The following MCC variants were observed in gnomAD, a reference collection of about 807,000 sequenced individuals.
MCC encodes the protein colorectal mutant cancer protein.
MCC carries 90 observed loss-of-function variants against 116.2 expected under a neutral mutation model. The observed-to-expected ratio is 0.77, with a 90% CI of 0.65 to 0.92. The LOEUF (loss-of-function observed/expected upper bound fraction) is 0.92. MCC is among the 40% of genes least tolerant of loss of function. MCC has a pLI of 0.00. For synonymous variants in MCC, 578 were observed against 510.5 expected (o/e 1.13, Z -1.78); for missense variants, 1,516 against 1,312.2 (o/e 1.16, Z -2.40).
intron 3 of MCC, among the ~76,000 whole-genome samples, chr5:113,237,054 G>C (rs982734252): frequency 2.0e-5 from 3 of 152,172 alleles, no homozygotes; most frequent in African/African-American, 7.2e-5. Flanking sequence ...GAAGTCCTTG[G>C]GGAATTCATT....
intron 5 of MCC, 126 bp downstream of exon 5, chr5:113,143,092 A>T: frequency 9.9e-7 from 1 of 1,014,406 alleles, no homozygotes; most frequent in Non-Finnish European, 1.4e-6. Context: ...AAACATCATT[A>T]TAATCTAGTT....
intron 11 of MCC, among the ~76,000 whole-genome samples, chr5:113,078,081 T>C (rs1754582929): frequency 6.6e-6 from 1 of 152,150 alleles, no homozygotes; most frequent in Non-Finnish European, 1.5e-5. Context: ...CCTGGACACA[T>C]ACACCTTCCC....
intron 3 of MCC, among the ~76,000 whole-genome samples, chr5:113,280,134 A>G (rs1289573669): frequency 6.6e-6 from 1 of 152,176 alleles, no homozygotes; most frequent in Non-Finnish European, 1.5e-5. Context: ...ACTCTCATGT[A>G]ATCTGGCTGG....
chr5:113,369,701 TG>T (rs1405127757), intron 2 of MCC, among the ~76,000 whole-genome samples: 1 of 152,212 alleles, frequency 6.6e-6, no homozygotes, highest in Non-Finnish European at 1.5e-5. Context: ...CTTAAAACTA[TG>T]GTAGTCTGTT....
chr5:113,134,555 C>CTTTTTTTTTTTTTTTTT, intron 5 of MCC, among the ~76,000 whole-genome samples: 1 of 30,126 alleles, frequency 3.3e-5, no homozygotes, highest in African/African-American at 1.3e-4. Context: ...GCTATTTGGG[C>CTTTTTTTTTTTTTTTTT]TTTTTTTTTT....
intron 3 of MCC, among the ~76,000 whole-genome samples, chr5:113,231,311 T>G (rs1049500673): frequency 1.8e-4 from 27 of 152,154 alleles, no homozygotes; most frequent in African/African-American, 6.0e-4. Flanking sequence ...ACTCTTTAAT[T>G]TAGGAGTTCA....
At chr5:113,183,549 A>G (rs947990355) in intron 3 of MCC, among the ~76,000 whole-genome samples, 2 of 152,090 alleles carry the variant, frequency 1.3e-5, no homozygotes, top group African/African-American at 2.4e-5. Context: ...TTGGTTCCAA[A>G]TAAGCCTGGA....
chr5:113,265,175 A>G (rs1178287225), intron 3 of MCC, among the ~76,000 whole-genome samples: 2 of 152,230 alleles, frequency 1.3e-5, no homozygotes, highest in Non-Finnish European at 2.9e-5. Flanking sequence ...TTTACTAAGT[A>G]GCCCTTAACA....
chr5:113,042,696 T>G (rs4276396), intron 17 of MCC, among the ~76,000 whole-genome samples: 3 of 151,840 alleles, frequency 2.0e-5, no homozygotes, highest in African/African-American at 7.3e-5. Flanking sequence ...GCCACAACCA[T>G]ATGTGGCTCT....
intron 2 of MCC, among the ~76,000 whole-genome samples, chr5:113,360,043 G>A (rs1768507462): frequency 6.6e-6 from 1 of 152,106 alleles, no homozygotes; most frequent in Non-Finnish European, 1.5e-5. Flanking sequence ...ACTGTGAATG[G>A]GGATGATGCT....
chr5:113,468,905 T>C (rs1258833427), intron 1 of MCC, among the ~76,000 whole-genome samples: 1 of 152,220 alleles, frequency 6.6e-6, no homozygotes, highest in Non-Finnish European at 1.5e-5. Flanking sequence ...CCTGGTTTAG[T>C]CTTGGGAGGG....
At chr5:113,292,764 T>A (rs73246677) in intron 3 of MCC, among the ~76,000 whole-genome samples, 13 of 152,152 alleles carry the variant, frequency 8.5e-5, no homozygotes, top group Non-Finnish European at 1.6e-4. Context: ...CTCTGCTGCA[T>A]AGAAACATCG....
chr5:113,089,688 G>C (rs1202243195), intron 8 of MCC, among the ~76,000 whole-genome samples: 1 of 152,208 alleles, frequency 6.6e-6, no homozygotes, highest in Non-Finnish European at 1.5e-5. Flanking sequence ...TCAAGGAACT[G>C]AATTTTTAAT....
At chr5:113,365,495 C>G (rs536014689) in intron 2 of MCC, among the ~76,000 whole-genome samples, 22 of 152,306 alleles carry the variant, frequency 1.4e-4, no homozygotes, top group African/African-American at 5.3e-4. Context: ...CAAACTTTCT[C>G]TTAACTTCCT....
chr5:113,446,324 G>A (rs1304333237), intron 1 of MCC, among the ~76,000 whole-genome samples: 1 of 152,118 alleles, frequency 6.6e-6, no homozygotes, highest in Non-Finnish European at 1.5e-5. Flanking sequence ...CTACAGAATG[G>A]AAAATAAATA....
At chr5:113,114,985 A>G (rs1757312057) in intron 6 of MCC, among the ~76,000 whole-genome samples, 1 of 152,160 alleles carries the variant, frequency 6.6e-6, no homozygotes, top group Non-Finnish European at 1.5e-5. Context: ...ACTGCCTCAC[A>G]TGAAAAGGCA....
intron 11 of MCC, among the ~76,000 whole-genome samples, chr5:113,072,690 C>T (rs1301169250): frequency 6.6e-6 from 1 of 152,184 alleles, no homozygotes; most frequent in Non-Finnish European, 1.5e-5. Context: ...GCTTGCCATT[C>T]TCTTGGGGCT....
intron 3 of MCC, among the ~76,000 whole-genome samples, chr5:113,296,675 T>C (rs1766720685): frequency 6.6e-6 from 1 of 152,116 alleles, no homozygotes; most frequent in South Asian, 2.1e-4. Flanking sequence ...TTAAGTGCCA[T>C]GTTAAAAAAA....
chr5:113,101,080 T>G (rs556348340), intron 8 of MCC, among the ~76,000 whole-genome samples: 49 of 152,150 alleles, frequency 3.2e-4, no homozygotes, highest in Non-Finnish European at 5.6e-4. Context: ...ATTAGCTCCT[T>G]CAGTAATGGA....
Sources: gnomAD v4.1 joint callset for allele counts (sites outside exome capture counted in the v4.1 genomes callset) on GRCh38, gnomAD v4.1.1 for gene constraint, MANE v1.5 for transcripts, NCBI Gene and HGNC (gene_info 2026-07-23, HGNC 2026-07-21) for gene names.